LRRC49: variants seen among roughly 807,000 people sequenced by gnomAD.
LRRC49 encodes the protein leucine-rich repeat-containing protein 49.
LRRC49 carries 50 observed loss-of-function variants against 83.3 expected under a neutral mutation model. The ratio of observed to expected loss-of-function variants is 0.60; its 90% CI spans 0.48 to 0.76. LRRC49 has a LOEUF of 0.76. Among genes scored for constraint, LRRC49 ranks in the 30% least tolerant of loss-of-function variants. The pLI is 0.00. For missense variants in LRRC49, 704 were observed against 809.1 expected (o/e 0.87, Z 1.58); for synonymous variants, 286 against 283.3 (o/e 1.01, Z -0.10).
chr15:70,930,243 G>A (rs903638974), intron 7 of LRRC49, among the ~76,000 whole-genome samples: 2 of 152,182 alleles, frequency 1.3e-5, no homozygotes, highest in Non-Finnish European at 2.9e-5. Flanking sequence ...TAGCAGGCAT[G>A]AAAACAACAT....
At chr15:71,005,590 T>C (rs1437951252) in intron 11 of LRRC49, among the ~76,000 whole-genome samples, 3 of 152,178 alleles carry the variant, frequency 2.0e-5, no homozygotes, top group African/African-American at 7.2e-5. Context: ...TTAGAGCAGT[T>C]ATATTTCTGA....
intron 14 of LRRC49, among the ~76,000 whole-genome samples, chr15:71,027,139 C>T (rs1443895548): frequency 6.6e-6 from 1 of 152,118 alleles, no homozygotes. Flanking sequence ...AGGAAGGGGT[C>T]CAGTTTCAGT....
At chr15:70,979,661 G>A (rs2037329338) in intron 9 of LRRC49, among the ~76,000 whole-genome samples, 1 of 151,966 alleles carries the variant, frequency 6.6e-6, no homozygotes, top group Admixed American at 6.6e-5. Context: ...AGTTTTAAAA[G>A]ATATTTACCC....
intron 6 of LRRC49, among the ~76,000 whole-genome samples, chr15:70,911,861 G>T (rs1049328261): frequency 6.6e-6 from 1 of 152,030 alleles, no homozygotes; most frequent in Non-Finnish European, 1.5e-5. Flanking sequence ...TACACATTTT[G>T]CAACCCCAAT....
intron 14 of LRRC49, among the ~76,000 whole-genome samples, chr15:71,025,626 G>T (rs2039141274): frequency 6.6e-6 from 1 of 151,646 alleles, no homozygotes; most frequent in Non-Finnish European, 1.5e-5. Flanking sequence ...CATCTCATGT[G>T]CAAAGACACA....
rs867337984 is a variant in LRRC49 at position 70,980,571 on chromosome 15, C to T, written c.1005+387C>T. On this transcript the variant is annotated intron_variant, in intron 10 of 15. Transcript: ENST00000260382. ...TGATATATTTTAATGAGCTCTGCTA[C>T]GTTTTTTTTTTTTAATGATAGCTTT... Among the ~76,000 whole-genome samples the T allele has an allele frequency of 1.1e-4, 16 of 144,272 alleles. No individual in the cohort carries two copies. In the East Asian group the frequency reaches 1.6e-3, roughly 14 times the overall value. The allele number at this position is 144,272 out of a possible 152,430, so 94.6% of individuals were successfully genotyped here. A position where few individuals can be genotyped will look rare whatever the true frequency, so the allele number is the denominator to read the frequency against.
intron 2 of LRRC49, among the ~76,000 whole-genome samples, chr15:70,873,535 G>A (rs967701497): frequency 2.6e-5 from 4 of 152,156 alleles, no homozygotes; most frequent in African/African-American, 9.7e-5. Flanking sequence ...CTCTGGGCAT[G>A]CTTGGCGGAT....
At chr15:70,981,131 A>T (rs995200655) in intron 10 of LRRC49, among the ~76,000 whole-genome samples, 2 of 152,172 alleles carry the variant, frequency 1.3e-5, no homozygotes, top group African/African-American at 4.8e-5. Flanking sequence ...CCTAGCTCAG[A>T]TTTGGAATCA....
rs375203808 is a variant in LRRC49 at position 70,919,127 on chromosome 15, T to G, written c.645T>G (p.Val215=). The change falls in exon 7 of 16, where the codon GTT becomes GTG. Residue 215 remains valine, a synonymous_variant. Coordinates refer to ENST00000260382, the MANE Select transcript of LRRC49 (RefSeq NM_017691.5). ...LNLARNFLSH[V]DNLNGLDSLT... ...TTGCCAGGAACTTTTTAAGTCATGT[T>G]GATAATCTTAATGGGCTGGATTCAC... is the stretch of plus-strand genomic sequence containing the variant. 5.0e-6 allele frequency: 8 copies of G among 1,612,690 alleles called. No homozygotes were observed. Among genetic ancestry groups the G allele is most frequent in the Non-Finnish European group, 6.8e-6 (8 of 1,179,102 alleles).
intron 7 of LRRC49, among the ~76,000 whole-genome samples, chr15:70,928,943 T>A (rs1157716749): frequency 6.6e-6 from 1 of 152,240 alleles, no homozygotes; most frequent in African/African-American, 2.4e-5. Flanking sequence ...CTCTTTCTAC[T>A]TCTTAAACAC....
At chr15:71,022,385 A>G (rs1233654112) in intron 14 of LRRC49, among the ~76,000 whole-genome samples, 1 of 152,192 alleles carries the variant, frequency 6.6e-6, no homozygotes, top group African/African-American at 2.4e-5. Flanking sequence ...AAAAAAACCA[A>G]AAAAATAAAA....
In LRRC49 at chr15:71,036,029, G is replaced by A. The variant is rs556114613; in HGVS notation, c.1704-1150G>A. Among the ~76,000 whole-genome samples the A allele has an allele frequency of 7.2e-5, 11 of 152,174 alleles. No homozygotes were observed. In the South Asian group the frequency reaches 1.5e-3, roughly 20 times the overall value. Reference sequence around the variant, plus strand: ...GTTGTTTCCTGACTTTTTAATGATCGCCATCCTAACTGGTGTGAGATGGTA... The same window carrying A: ...GTTGTTTCCTGACTTTTTAATGATCACCATCCTAACTGGTGTGAGATGGTA... On this transcript the variant is annotated intron_variant, in intron 14 of 15. Transcript: ENST00000260382.
chr15:70,980,060 G>A (rs1441611950), intron 9 of LRRC49, 41 bp from the exon 10 acceptor site: 1 of 1,303,936 alleles, frequency 7.7e-7, no homozygotes, highest in South Asian at 1.3e-5. Context: ...ATTAAAAAAT[G>A]GTTAAACTCT....
chr15:70,939,724 C>T (rs746817108), intron 8 of LRRC49, among the ~76,000 whole-genome samples: 2 of 152,094 alleles, frequency 1.3e-5, no homozygotes, highest in East Asian at 1.9e-4. Flanking sequence ...TTCTAACCTA[C>T]GTCACTGTTA....
rs2037573107 is a variant in LRRC49, at chr15:70,985,480, GT to G, written c.1169+1230del. On this transcript the variant is annotated intron_variant, in intron 11 of 15. Transcript: ENST00000260382. ...CGCCCACTTTTTGATGGGGTTGTTTGTTTTTTTCTTGTAAATGTGTTTGAGT... is the reference window on the plus strand; with the variant it reads ...CGCCCACTTTTTGATGGGGTTGTTTGTTTTTTCTTGTAAATGTGTTTGAGT... Among the ~76,000 whole-genome samples, 4 of 152,122 alleles carry G rather than the reference GT, an allele frequency of 2.6e-5. No individual in the cohort carries two copies. The South Asian group carries it at 8.3e-4, about 32-fold the overall frequency.
intron 14 of LRRC49, among the ~76,000 whole-genome samples, chr15:71,023,547 A>G (rs2039058619): frequency 6.6e-6 from 1 of 152,186 alleles, no homozygotes; most frequent in East Asian, 1.9e-4. Context: ...CAGTTGGCAC[A>G]ACCCATGGAG....
chr15:70,890,343 G>A (rs143268412), upstream of LRRC49, among the ~76,000 whole-genome samples: 19 of 152,296 alleles, frequency 1.2e-4, no homozygotes, highest in African/African-American at 4.1e-4. Flanking sequence ...CAGCTATCTT[G>A]ACAGGTATAC....
At chr15:71,014,411 TA>T (rs1468035110) in intron 14 of LRRC49, among the ~76,000 whole-genome samples, 1 of 151,984 alleles carries the variant, frequency 6.6e-6, no homozygotes, top group East Asian at 1.9e-4. Context: ...ATTAGATGGA[TA>T]ATTTCTAAAC....
At chr15:70,973,458 G>A (rs912837571) in intron 9 of LRRC49, among the ~76,000 whole-genome samples, 1 of 152,178 alleles carries the variant, frequency 6.6e-6, no homozygotes, top group African/African-American at 2.4e-5. Context: ...AAGGCAGGGG[G>A]GTCAGGGACC....
Sources: allele counts gnomAD v4.1 joint callset (sites outside exome capture counted in the v4.1 genomes callset), GRCh38; gene constraint gnomAD v4.1.1; transcripts MANE v1.5; gene names NCBI Gene and HGNC (gene_info 2026-07-23, HGNC 2026-07-21).